PRDM1: variants seen among roughly 807,000 people sequenced by gnomAD.
PRDM1 encodes the protein PR domain zinc finger protein 1.
PRDM1 carries 13 observed loss-of-function variants against 62.8 expected under a neutral mutation model. That is an observed-to-expected ratio of 0.21 (90% confidence interval 0.13 to 0.33). The LOEUF is 0.33. Among genes scored for constraint, PRDM1 ranks in the 10% least tolerant of loss-of-function variants. The pLI is 1.00. For missense variants in PRDM1, 895 were observed against 1,058.8 expected (o/e 0.85, Z 2.15); for synonymous variants, 396 against 417.6 (o/e 0.95, Z 0.63).
chr6:106,105,169 C>T lies in PRDM1; in HGVS notation c.1009C>T (p.Pro337Ser). 2 of 1,613,288 alleles carry T rather than the reference C, an allele frequency of 1.2e-6. No individual in the cohort carries two copies. The highest frequency in any genetic ancestry group is 1.7e-6 in the Non-Finnish European group (2 of 1,179,726). Residue 337 changes from proline to serine, a missense_variant, in exon 5 of 7, where the codon CCC (proline) becomes TCC (serine). Pro to Ser is a moderately conservative substitution (Grantham distance 74, BLOSUM62 -1). Around this residue, in one of 4 missense-constraint regions of PRDM1, gnomAD observed 444 missense variants for 422.7 expected, o/e 1.05. Transcript: ENST00000369096. ...CATTCCATCCTCCACCACTCCAAGCCCCTCTGCAAGAAGCAGCCCCGACCA... is the reference window on the plus strand; with the variant it reads ...CATTCCATCCTCCACCACTCCAAGCTCCTCTGCAAGAAGCAGCCCCGACCA... ...SPIPSSTTPS[P>S]SARSSPDQSL...
At chr6:106,014,058 AT>A (rs71006664) in intron 1 of PRDM1, among the ~76,000 whole-genome samples, 7,672 of 105,022 alleles carry the variant, frequency 0.073, 157 homozygotes, top group African/African-American at 0.11. Flanking sequence ...AGGACAAGGA[AT>A]TTTTTTTTTT....
intron 1 of PRDM1, among the ~76,000 whole-genome samples, chr6:106,049,669 T>A (rs1360435464): frequency 6.6e-6 from 1 of 152,016 alleles, no homozygotes; most frequent in Admixed American, 6.6e-5. Flanking sequence ...CTGAATTGCG[T>A]GCACATGCAC....
upstream of PRDM1, among the ~76,000 whole-genome samples, chr6:106,085,612 G>A (rs1023849825): frequency 1.3e-5 from 2 of 152,116 alleles, no homozygotes; most frequent in Admixed American, 1.3e-4. Context: ...GCCTCCGACC[G>A]CTTTCCACTT....
chr6:106,085,550 C>T (rs567502452), upstream of PRDM1, among the ~76,000 whole-genome samples: 4 of 152,296 alleles, frequency 2.6e-5, no homozygotes, highest in Admixed American at 1.3e-4. Context: ...AGAGGACTGA[C>T]TGGGCTGGAG....
chr6:106,074,152 T>C (rs6911490), intron 1 of PRDM1, among the ~76,000 whole-genome samples: 130,427 of 152,262 alleles, frequency 0.86, 56,349 homozygotes, highest in East Asian at 1. Flanking sequence ...TGATCTATGG[T>C]AGTGAGAATA....
In PRDM1 at chr6:106,057,855, T is replaced by C. The variant is rs565587899; in HGVS notation, c.-67+9141T>C. ...AAACCTTAGATAATTCATTTTCCTT[T>C]TTAATTATACAAGTATAGGTAAGAC... On this transcript the variant is annotated intron_variant, in intron 1 of 6. Transcript: ENST00000651185. Among the ~76,000 whole-genome samples, 12 of 152,362 alleles carry C rather than the reference T, an allele frequency of 7.9e-5. No homozygotes were observed. The South Asian group carries it at 2.5e-3, about 32-fold the overall frequency.
chr6:106,066,092 G>T lies in PRDM1; in HGVS notation c.-67+17378G>T, dbSNP rs1333825159. ...TTGGGAGGCCCTTGGAGAAACAGCC[G>T]CCCTGCCTAACCACCCATTGTCTAT... is the stretch of plus-strand genomic sequence containing the variant. On this transcript the variant is annotated intron_variant, in intron 1 of 6. Coordinates refer to the PRDM1 transcript ENST00000651185. Among the ~76,000 whole-genome samples the T allele has an allele frequency of 6.6e-5, 10 of 152,150 alleles. 1 individual carries two copies. The highest frequency in any genetic ancestry group is 4.6e-4 in the Admixed American group (7 of 15,272).
At chr6:106,036,410 A>C (rs559435518) in intron 1 of PRDM1, among the ~76,000 whole-genome samples, 1 of 152,118 alleles carries the variant, frequency 6.6e-6, no homozygotes, top group Non-Finnish European at 1.5e-5. Flanking sequence ...ATTTGCATTT[A>C]TTTGTATATT....
At chr6:106,088,166 C>A (rs1269090290) in intron 1 of PRDM1, 35 bp from the exon 2 acceptor site, 2 of 1,553,022 alleles carry the variant, frequency 1.3e-6, no homozygotes, top group Non-Finnish European at 1.7e-6. Context: ...AACGGCGGGA[C>A]AATGGGGATT....
chr6:106,006,605 A>G (rs556509700), intron 1 of PRDM1, among the ~76,000 whole-genome samples: 1 of 152,132 alleles, frequency 6.6e-6, no homozygotes, highest in African/African-American at 2.4e-5. Flanking sequence ...AAAAATAAAA[A>G]GAGGGAAGAA....
intron 1 of PRDM1, among the ~76,000 whole-genome samples, chr6:106,008,366 C>T (rs997215452): frequency 2.0e-5 from 3 of 151,854 alleles, no homozygotes; most frequent in Non-Finnish European, 4.4e-5. Context: ...AGTGAGGCTC[C>T]GTCTCAAAAA....
At chr6:106,042,256 C>G (rs1163902294) in intron 1 of PRDM1, among the ~76,000 whole-genome samples, 1 of 151,698 alleles carries the variant, frequency 6.6e-6, no homozygotes, top group African/African-American at 2.4e-5. Context: ...CATGGTGGCT[C>G]ATGCCTGTAA....
At chr6:106,053,171 G>T (rs893481742) in intron 1 of PRDM1, among the ~76,000 whole-genome samples, 1 of 151,934 alleles carries the variant, frequency 6.6e-6, no homozygotes. Context: ...GCCTTCATCC[G>T]ATAATTTTTA....
At chr6:106,043,996 A>C (rs1773038329), upstream of PRDM1, among the ~76,000 whole-genome samples, 2 of 152,030 alleles carry the variant, frequency 1.3e-5, no homozygotes, top group South Asian at 4.1e-4. Context: ...GTTTTTTCTT[A>C]CTTTAATTTT....
intron 1 of PRDM1, among the ~76,000 whole-genome samples, chr6:106,053,636 T>G (rs927660117): frequency 2.2e-4 from 33 of 152,258 alleles, no homozygotes; most frequent in African/African-American, 7.9e-4. Flanking sequence ...ACCCAAGGAC[T>G]CTTAGGAAAC....
At chr6:106,019,981 G>T in intron 1 of PRDM1, among the ~76,000 whole-genome samples, 1 of 149,316 alleles carries the variant, frequency 6.7e-6, no homozygotes, top group African/African-American at 2.4e-5. Context: ...TATAATCCCA[G>T]CACTTTGGGA....
chr6:106,010,436 A>T (rs1772531893), intron 1 of PRDM1, among the ~76,000 whole-genome samples: 1 of 152,186 alleles, frequency 6.6e-6, no homozygotes, highest in Non-Finnish European at 1.5e-5. Context: ...CAAACAAGAA[A>T]TCTATGGTTA....
At chr6:106,004,699 A>C (rs1772463934) in intron 1 of PRDM1, among the ~76,000 whole-genome samples, 1 of 152,212 alleles carries the variant, frequency 6.6e-6, no homozygotes, top group African/African-American at 2.4e-5. Context: ...AACGGTATGT[A>C]TGACACATGC....
At chr6:106,060,886 G>T (rs1773334673) in intron 1 of PRDM1, among the ~76,000 whole-genome samples, 1 of 151,992 alleles carries the variant, frequency 6.6e-6, no homozygotes, top group Non-Finnish European at 1.5e-5. Context: ...GGATGACAGT[G>T]AGCCAGATGT....
Sources: allele counts gnomAD v4.1 joint callset (sites outside exome capture counted in the v4.1 genomes callset), GRCh38; gene constraint gnomAD v4.1.1; regional missense constraint gnomAD v4.1.1; transcripts MANE v1.5; gene names NCBI Gene and HGNC (gene_info 2026-07-23, HGNC 2026-07-21).